The following AMOTL1 variants were observed in gnomAD, a reference collection of about 807,000 sequenced individuals.
AMOTL1 encodes angiomotin like 1.
In AMOTL1, 45 loss-of-function variants were observed where a neutral mutation model predicts 102.9. That is an observed-to-expected ratio of 0.44 (90% confidence interval 0.34 to 0.56). The LOEUF (loss-of-function observed/expected upper bound fraction) is 0.56, where lower values mean the gene tolerates loss of function less well. Ranked by LOEUF, AMOTL1 falls within the 20% of genes least tolerant of loss-of-function variation. AMOTL1 has a pLI of 0.01. For synonymous variants in AMOTL1, 481 were observed against 484.7 expected, an observed-to-expected ratio of 0.99 and a Z score of 0.10; for missense variants, 1,114 against 1,225.6, an observed-to-expected ratio of 0.91 and a Z score of 1.36.
chr11:94,758,452 A>G (rs1306534587), intron 3 of AMOTL1, among the ~76,000 whole-genome samples: 2 of 152,192 alleles, frequency 1.3e-5, no homozygotes, highest in Non-Finnish European at 2.9e-5. Flanking sequence ...AGGACGTTCA[A>G]CTGATTGGCA....
intron 1 of AMOTL1, among the ~76,000 whole-genome samples, chr11:94,774,935 C>T (rs926416870): frequency 6.6e-6 from 1 of 152,180 alleles, no homozygotes; most frequent in East Asian, 1.9e-4. Context: ...GCCTCACTTT[C>T]CTGACCATGA....
At chr11:94,735,501 ACT>A (rs1189391466) in intron 2 of AMOTL1, among the ~76,000 whole-genome samples, 2 of 152,188 alleles carry the variant, frequency 1.3e-5, no homozygotes, top group African/African-American at 4.8e-5. Flanking sequence ...TTAAGATTTT[ACT>A]GTTTTCTAAT....
chr11:94,717,606 A>G (rs1335147191), intron 1 of AMOTL1, among the ~76,000 whole-genome samples: 1 of 151,970 alleles, frequency 6.6e-6, no homozygotes, highest in Non-Finnish European at 1.5e-5. Flanking sequence ...GAATTTTTAA[A>G]TTGGTAAGTT....
intron 3 of AMOTL1, among the ~76,000 whole-genome samples, chr11:94,806,423 A>G (rs548641028): frequency 2.0e-5 from 3 of 152,348 alleles, no homozygotes; most frequent in African/African-American, 7.2e-5. Flanking sequence ...TATGATTTGC[A>G]GTTTATGCAA....
At chr11:94,749,437 T>A (rs547735056) in intron 3 of AMOTL1, among the ~76,000 whole-genome samples, 2 of 152,304 alleles carry the variant, frequency 1.3e-5, no homozygotes, top group East Asian at 3.9e-4. Flanking sequence ...CCTACTCAAA[T>A]GCCAGCCTCT....
chr11:94,860,246 G>T (rs950581195), intron 9 of AMOTL1, among the ~76,000 whole-genome samples: 3 of 152,172 alleles, frequency 2.0e-5, no homozygotes, highest in African/African-American at 4.8e-5. Context: ...TACAAGCAAA[G>T]AAAATGAGGC....
chr11:94,715,189 C>T (rs1203786788), intron 1 of AMOTL1, among the ~76,000 whole-genome samples: 1 of 152,028 alleles, frequency 6.6e-6, no homozygotes, highest in Non-Finnish European at 1.5e-5. Context: ...TTTTGTTTTG[C>T]TACTGATTTC....
intron 4 of AMOTL1, among the ~76,000 whole-genome samples, chr11:94,828,876 G>C (rs1300845379): frequency 6.6e-6 from 1 of 152,104 alleles, no homozygotes; most frequent in East Asian, 1.9e-4. Context: ...AACCCCATCA[G>C]CTTTGCCTTT....
At chr11:94,821,088 C>G (rs558494536) in intron 3 of AMOTL1, among the ~76,000 whole-genome samples, 1 of 152,300 alleles carries the variant, frequency 6.6e-6, no homozygotes, top group South Asian at 2.1e-4. Context: ...CCCGCTCTGT[C>G]CAAACCACTG....
At chr11:94,808,329 GT>G (rs1204796430) in intron 3 of AMOTL1, among the ~76,000 whole-genome samples, 1 of 152,138 alleles carries the variant, frequency 6.6e-6, no homozygotes, top group Non-Finnish European at 1.5e-5. Flanking sequence ...CTTGAGAAAT[GT>G]TTTGATTTTA....
chr11:94,827,224 G>C (rs1046320294), intron 4 of AMOTL1, among the ~76,000 whole-genome samples: 2 of 152,184 alleles, frequency 1.3e-5, no homozygotes, highest in African/African-American at 4.8e-5. Flanking sequence ...AAATACAACA[G>C]ATAAAAAATA....
chr11:94,867,220 C>T (rs931683847), intron 11 of AMOTL1, among the ~76,000 whole-genome samples: 4 of 152,148 alleles, frequency 2.6e-5, no homozygotes, highest in South Asian at 2.1e-4. Flanking sequence ...TTTGAAGTCC[C>T]TCCACTGGTG....
Position 94,869,321 on chromosome 11 carries a change from G to A in AMOTL1, c.2612G>A (p.Gly871Asp). Reference sequence around the variant, plus strand: ...GCCAGCAGTGCCCACGCCAAGACAGGCAGCAAGGACAGCAGCACACAGACT... The same window carrying A: ...GCCAGCAGTGCCCACGCCAAGACAGACAGCAAGGACAGCAGCACACAGACT... ...TAASSAHAKT[G>D]SKDSSTQTDK... is the part of the protein sequence containing the mutation. Residue 871 changes from glycine to aspartate, a missense_variant, in exon 12 of 13, where the codon GGC (glycine) becomes GAC (aspartate). By Grantham distance (94) the Gly-to-Asp change is moderately conservative. Transcript: ENST00000433060. 1 of 1,612,792 alleles carries A rather than the reference G, an allele frequency of 6.2e-7. No individual in the cohort carries two copies. The highest frequency in any genetic ancestry group is 1.6e-4 in the Middle Eastern group (1 of 6,062).
intron 3 of AMOTL1, among the ~76,000 whole-genome samples, chr11:94,808,893 G>A (rs771102952): frequency 6.6e-6 from 1 of 151,202 alleles, no homozygotes; most frequent in Non-Finnish European, 1.5e-5. Context: ...ATTTTAACAG[G>A]TAATCAATAT....
Position 94,859,649 on chromosome 11 carries a change from A to G in AMOTL1, c.2069A>G (p.Lys690Arg). The G allele has an allele frequency of 4.3e-6, 7 of 1,613,540 alleles. No individual in the cohort carries two copies. Among genetic ancestry groups the G allele is most frequent in the Non-Finnish European group, 5.9e-6 (7 of 1,179,716 alleles). Reference protein sequence around the residue: ...LEADMTKWEQKYLEESTIRHF... With the variant: ...LEADMTKWEQRYLEESTIRHF... ...GCCGACATGACAAAGTGGGAGCAGA[A>G]GTACCTGGAGGAGAGCACCATCCGA... Residue 690 changes from lysine (K) to arginine (R), a missense_variant, in exon 9 of 13, where the codon AAG becomes AGG. Coordinates refer to ENST00000433060, the MANE Select transcript of AMOTL1 (RefSeq NM_130847.3).
At chr11:94,850,339 C>T in intron 7 of AMOTL1, 80 bp downstream of exon 7, 1 of 1,457,366 alleles carries the variant, frequency 6.9e-7, no homozygotes, top group Non-Finnish European at 9.1e-7. Context: ...TCCTAACCCA[C>T]CTACTTTAAC....
At position 94,707,250 on chromosome 11, in the gene AMOTL1, C is replaced by CTGTG. The variant is rs71459746; in HGVS notation, c.-51+684_-51+687dup. ...TCTCTCTCTCTCTCTCTCTCTCTCTCTGTGTGTGTGTGTGTGTGTGTGTGT... is the reference window on the plus strand; with the variant it reads ...TCTCTCTCTCTCTCTCTCTCTCTCTCTGTGTGTGTGTGTGTGTGTGTGTGTGTGT... On this transcript the variant is annotated intron_variant, in intron 1 of 4. Coordinates refer to the AMOTL1 transcript ENST00000299004. Among the ~76,000 whole-genome samples, 295 of 71,772 alleles carry CTGTG rather than the reference C, an allele frequency of 4.1e-3. 3 individuals are homozygous for CTGTG. The highest frequency in any genetic ancestry group is 0.02 in the Middle Eastern group (3 of 148). The allele number at this position is 71,772 out of a possible 152,430, so 47.1% of individuals were successfully genotyped here.
At chr11:94,719,525 A>G (rs1352830336) in intron 1 of AMOTL1, among the ~76,000 whole-genome samples, 1 of 151,942 alleles carries the variant, frequency 6.6e-6, no homozygotes, top group East Asian at 1.9e-4. Context: ...TTCTAGGCTA[A>G]TAATCAAGAT....
At chr11:94,839,781 A>G (rs141668729) in intron 6 of AMOTL1, among the ~76,000 whole-genome samples, 139 of 152,290 alleles carry the variant, frequency 9.1e-4, no homozygotes, top group Middle Eastern at 3.4e-3. Flanking sequence ...CGAGGATTTC[A>G]TGTTTTTACA....
Sources: allele counts gnomAD v4.1 joint callset (sites outside exome capture counted in the v4.1 genomes callset), GRCh38; gene constraint gnomAD v4.1.1; transcripts MANE v1.5; gene names NCBI Gene and HGNC (gene_info 2026-07-23, HGNC 2026-07-21).